Variants in WDR89 observed in about 807,000 individuals in gnomAD.
The protein encoded by WDR89 is WD repeat-containing protein 89.
A neutral mutation model predicts 29.1 loss-of-function variants in WDR89; 17 were observed. The ratio of observed to expected loss-of-function variants is 0.58; its 90% confidence interval spans 0.40 to 0.88. WDR89 has a LOEUF of 0.88. WDR89 is among the 40% of genes least tolerant of loss of function. The pLI is 0.00. For missense variants in WDR89, 396 were observed against 456.3 expected, an observed-to-expected ratio of 0.87 and a Z score of 1.20; for synonymous variants, 138 against 157.8, an observed-to-expected ratio of 0.87 and a Z score of 0.94.
chr14:63,615,217 G>A (rs1226492451), intron 2 of WDR89, among the ~76,000 whole-genome samples: 2 of 152,170 alleles, frequency 1.3e-5, no homozygotes, highest in African/African-American at 4.8e-5. Flanking sequence ...ACCCTTTACG[G>A]TAATTCCACA....
chr14:63,607,232 G>A (rs1445227063), intron 2 of WDR89, among the ~76,000 whole-genome samples: 1 of 151,998 alleles, frequency 6.6e-6, no homozygotes, highest in Admixed American at 6.6e-5. Context: ...ACACCATCTC[G>A]GTTCACTGCA....
intron 1 of WDR89, among the ~76,000 whole-genome samples, chr14:63,631,321 T>A (rs1033348389): frequency 1.1e-4 from 17 of 152,152 alleles, no homozygotes; most frequent in African/African-American, 4.1e-4. Flanking sequence ...TTTTCTTTTC[T>A]TTCTTTTTGC....
chr14:63,631,427 G>GC (rs1883398985), intron 1 of WDR89, among the ~76,000 whole-genome samples: 1 of 152,006 alleles, frequency 6.6e-6, no homozygotes, highest in Non-Finnish European at 1.5e-5. Context: ...GTGCAGTGGT[G>GC]CAACTGCCAC....
At chr14:63,613,942 C>A (rs1321026666) in intron 2 of WDR89, among the ~76,000 whole-genome samples, 1 of 151,780 alleles carries the variant, frequency 6.6e-6, no homozygotes, top group African/African-American at 2.4e-5. Flanking sequence ...AACCACCACG[C>A]CCAGCCTATT....
chr14:63,624,062 A>C (rs1259650432), intron 2 of WDR89, among the ~76,000 whole-genome samples: 1 of 152,198 alleles, frequency 6.6e-6, no homozygotes, highest in African/African-American at 2.4e-5. Context: ...GAAAAAAGGG[A>C]ATCTATGACC....
At position 63,608,971 on chromosome 14, in the gene WDR89, C is replaced by T. The variant is rs185922485; in HGVS notation, c.-31-8998G>A. On this transcript the variant is annotated intron_variant, in intron 2 of 2. Coordinates refer to ENST00000620954, the MANE Select transcript of WDR89 (RefSeq NM_080666.4). ...AAAAAATTGGCTGGGTGTGGTGGTG[C>T]ACTTGTAGTCCCAGCTACTCAGGAG... is the stretch of plus-strand genomic sequence containing the variant. Among the ~76,000 whole-genome samples the T allele has an allele frequency of 7.5e-4, 114 of 152,070 alleles. 2 individuals carry two copies. The East Asian group carries it at 0.012, about 16-fold the overall frequency.
In WDR89 at chr14:63,640,278, C is replaced by T. The variant is rs890467343; in HGVS notation, c.-138+1526G>A. On this transcript the variant is annotated intron_variant, in intron 1 of 2. Transcript: ENST00000620954. ...GCAGAAACAGTCACGTGGCTTTCATCGGTAACATATTTTGTATCTATTAAA... is the reference window on the plus strand; with the variant it reads ...GCAGAAACAGTCACGTGGCTTTCATTGGTAACATATTTTGTATCTATTAAA... 1.2e-4 allele frequency among the ~76,000 whole-genome samples: 18 copies of T among 152,224 alleles called. No individual in the cohort carries two copies. The South Asian group carries it at 2.9e-3, about 25-fold the overall frequency.
Position 63,625,005 on chromosome 14 carries a change from T to C in WDR89, c.-109A>G, listed in dbSNP as rs1456524479. On this transcript the variant is annotated 5_prime_UTR_variant, in exon 2 of 3. An upstream start codon of the reference 5' UTR is lost. Transcript: ENST00000620954. ...GTACAAACACCTGTACACGTGTTCA[T>C]CACTATTTTATTTATAATAGCCAAA... The C allele has an allele frequency of 6.6e-6, 1 of 152,060 alleles. No individual in the cohort carries two copies. The highest frequency in any genetic ancestry group is 1.5e-5 in the Non-Finnish European group (1 of 68,014). 9.4% of individuals were successfully genotyped at this position (152,060 alleles called of 1,614,324 possible). A position where few individuals can be genotyped will look rare whatever the true frequency, so the allele number is the denominator to read the frequency against.
chr14:63,639,594 T>C lies in WDR89; in HGVS notation c.-138+2210A>G, dbSNP rs1255726. 1.7e-3 allele frequency among the ~76,000 whole-genome samples: 260 copies of C among 152,282 alleles called. 1 individual carries two copies. The highest frequency in any genetic ancestry group is 5.9e-3 in the African/African-American group (247 of 41,530). ...AATCTGTACATAATCTGCCCTAAAA[T>C]ATTGAACAGAATTAACATAAAGACC... is the stretch of plus-strand genomic sequence containing the variant. On this transcript the variant is annotated intron_variant, in intron 1 of 2. Transcript: ENST00000620954.
chr14:63,599,376 A>C lies in WDR89; in HGVS notation c.567T>G (p.Gly189=), dbSNP rs759433948. ...HPSNPNMVVS[G]SSDGLVNVFD... ...ATACATTTACCAGGCCATCAGATGA[A>C]CCTGAGACTACCATGTTGGGATTGC... Residue 189 remains glycine, a synonymous_variant, in exon 3 of 3, where the codon GGT becomes GGG. Transcript: ENST00000620954. 2.7e-5 allele frequency: 44 copies of C among 1,614,034 alleles called. No individual in the cohort carries two copies. Among genetic ancestry groups the C allele is most frequent in the Admixed American group, 1.3e-4 (8 of 59,990 alleles).
rs184171156 is a variant in WDR89, at chr14:63,627,355, G to C, written c.-137-2322C>G. 2.6e-5 allele frequency among the ~76,000 whole-genome samples: 4 copies of C among 152,184 alleles called. No individual in the cohort carries two copies. The East Asian group carries it at 7.7e-4, about 29-fold the overall frequency. On this transcript the variant is annotated intron_variant, in intron 1 of 2. Transcript: ENST00000620954. The stretch of plus-strand genomic sequence containing the variant: ...ATTGTAATAACAAAAAAACCTAACA[G>C]CCTGAATATCCATTAATTGGGAAGT...
Position 63,599,110 on chromosome 14 carries a change from A to G in WDR89, c.833T>C (p.Ile278Thr), listed in dbSNP as rs1566787566. The G allele has an allele frequency of 3.1e-6, 5 of 1,614,110 alleles. No homozygotes were observed. The highest frequency in any genetic ancestry group is 2.2e-5 in the East Asian group (1 of 44,884). ...TGTCTTTTCATGATATAGGCCACCAATCAAATAGTCCAAAGCATCTTCTTT... is the reference window on the plus strand; with the variant it reads ...TGTCTTTTCATGATATAGGCCACCAGTCAAATAGTCCAAAGCATCTTCTTT... ...NMKEDALDYL[I>T]GGLYHEKTDT... Residue 278 changes from isoleucine (I) to threonine (T), a missense_variant, in exon 3 of 3, where the codon ATT (isoleucine) becomes ACT (threonine). Ile to Thr is a moderately conservative substitution (Grantham distance 89). Coordinates refer to ENST00000620954, the MANE Select transcript of WDR89 (RefSeq NM_080666.4).
At position 63,636,447 on chromosome 14, in the gene WDR89, C is replaced by T. The variant is rs141995654; in HGVS notation, c.-138+5357G>A. ...ATTCATATGGAACCAAAAAGGAGCC[C>T]GCATAGCCAAAGCATGACTAAGCAA... is the stretch of plus-strand genomic sequence containing the variant. On this transcript the variant is annotated intron_variant, in intron 1 of 2. Transcript: ENST00000620954. Among the ~76,000 whole-genome samples the T allele has an allele frequency of 8.9e-3, 1,357 of 152,156 alleles. 25 individuals are homozygous for T. Among genetic ancestry groups the T allele is most frequent in the African/African-American group, 0.031 (1,301 of 41,492 alleles).
intron 1 of WDR89, among the ~76,000 whole-genome samples, chr14:63,631,419 G>A (rs933916957): frequency 6.6e-6 from 1 of 152,018 alleles, no homozygotes; most frequent in Non-Finnish European, 1.5e-5. Context: ...AGGCTGGAGT[G>A]CAGTGGTGCA....
intron 1 of WDR89, among the ~76,000 whole-genome samples, chr14:63,638,105 C>T (rs889835587): frequency 4.6e-5 from 7 of 152,062 alleles, no homozygotes; most frequent in African/African-American, 1.7e-4. Flanking sequence ...CCATCATCCC[C>T]GGCTAATTTT....
chr14:63,641,651 C>A (rs988432491), intron 1 of WDR89, among the ~76,000 whole-genome samples, 153 bp downstream of exon 1: 3 of 152,270 alleles, frequency 2.0e-5, no homozygotes, highest in African/African-American at 7.2e-5. Flanking sequence ...ACTGCCAACA[C>A]GTGCACACTC....
intron 1 of WDR89, among the ~76,000 whole-genome samples, chr14:63,629,953 A>AT (rs1035520844): frequency 1.3e-5 from 2 of 151,168 alleles, no homozygotes; most frequent in East Asian, 1.9e-4. Flanking sequence ...TCATAAACAC[A>AT]TTTTTTTTTC....
rs1426929235 is a variant in WDR89 at position 63,599,327 on chromosome 14, C to G, written c.616G>C (p.Glu206Gln). ...NVFDINIDNE[E>Q]DALVTTCNSI... ...TTACAGGTTGTAACCAGTGCATCCT[C>G]CTCATTATCAATATTAATATCAAAT... The change falls in exon 3 of 3, where the codon GAG (glutamate) becomes CAG (glutamine). Residue 206 changes from glutamate to glutamine, a missense_variant. By Grantham distance (29) the Glu-to-Gln change is conservative. Coordinates refer to ENST00000620954, the MANE Select transcript of WDR89 (RefSeq NM_080666.4). The G allele has an allele frequency of 4.3e-6, 7 of 1,613,938 alleles. No homozygotes were observed. The highest frequency in any genetic ancestry group is 5.9e-6 in the Non-Finnish European group (7 of 1,180,038).
At chr14:63,640,771 C>CGGCCATATTTTTTGTGT (rs1884061875) in intron 1 of WDR89, among the ~76,000 whole-genome samples, 1 of 151,002 alleles carries the variant, frequency 6.6e-6, no homozygotes, top group Non-Finnish European at 1.5e-5. Context: ...CCACCGCGCC[C>CGGCCATATTTTTTGTGT]AGGCTTTTAT....
Sources: allele counts gnomAD v4.1 joint callset (sites outside exome capture counted in the v4.1 genomes callset), GRCh38; gene constraint gnomAD v4.1.1; transcripts MANE v1.5; gene names NCBI Gene and HGNC (gene_info 2026-07-23, HGNC 2026-07-21).